The following EYA4 variants were observed in gnomAD, a reference collection of about 807,000 sequenced individuals.
The protein encoded by EYA4 is protein phosphatase EYA4.
EYA4 carries 31 observed loss-of-function variants against 87.9 expected under a neutral mutation model. The ratio of observed to expected loss-of-function variants is 0.35; its 90% CI spans 0.27 to 0.48. The LOEUF (loss-of-function observed/expected upper bound fraction) is 0.48, where lower values mean the gene tolerates loss of function less well. EYA4 is among the 20% of genes least tolerant of loss of function. The probability of loss-of-function intolerance (pLI) is 0.99; values close to 1 mark genes in which losing one functional copy is unlikely to be tolerated. For synonymous variants in EYA4, 263 were observed against 270.6 expected, an observed-to-expected ratio of 0.97 and a Z score of 0.28; for missense variants, 678 against 761.4, an observed-to-expected ratio of 0.89 and a Z score of 1.29.
intron 1 of EYA4, chr6:133,248,304 G>T (rs1449953814): frequency 6.6e-6 from 1 of 152,086 alleles, no homozygotes; most frequent in Non-Finnish European, 1.5e-5. Flanking sequence ...GACATTTCTT[G>T]TGAAAGACTA....
In EYA4 at chr6:133,272,526, G is replaced by A. The variant is rs1443332321; in HGVS notation, c.-65-2190G>A. On this transcript the variant is annotated intron_variant, in intron 1 of 19. Transcript: ENST00000355286. Reference sequence around the variant, plus strand: ...AGGTTGCATAGTGACTTGATGACTCGTAGTCAAACCTTCAGTTTCCACCAA... The same window carrying A: ...AGGTTGCATAGTGACTTGATGACTCATAGTCAAACCTTCAGTTTCCACCAA... 4.6e-5 allele frequency among the ~76,000 whole-genome samples: 7 copies of A among 152,144 alleles called. No individual in the cohort carries two copies. The South Asian group carries it at 6.2e-4, about 14-fold the overall frequency.
chr6:133,281,151 T>C (rs373310901), intron 2 of EYA4, among the ~76,000 whole-genome samples: 12 of 152,294 alleles, frequency 7.9e-5, no homozygotes, highest in African/African-American at 2.4e-4. Context: ...TGTTATAAGG[T>C]TACTTCTTTT....
At chr6:133,372,959 A>G (rs1284044732) in intron 2 of EYA4, among the ~76,000 whole-genome samples, 3 of 151,988 alleles carry the variant, frequency 2.0e-5, no homozygotes, top group Admixed American at 6.6e-5. Context: ...TTAGGCATAT[A>G]TATGTACTTA....
At chr6:133,387,332 A>G (rs918649094) in intron 3 of EYA4, among the ~76,000 whole-genome samples, 2 of 152,184 alleles carry the variant, frequency 1.3e-5, no homozygotes, top group African/African-American at 2.4e-5. Flanking sequence ...AAGCAGGGAA[A>G]GCTGAGGGCT....
At chr6:133,473,658 C>T (rs1795470199) in intron 11 of EYA4, among the ~76,000 whole-genome samples, 1 of 151,828 alleles carries the variant, frequency 6.6e-6, no homozygotes, top group South Asian at 2.1e-4. Context: ...CCTTATCTTC[C>T]TTTTATATCC....
At chr6:133,268,703 A>G (rs752350138) in intron 1 of EYA4, among the ~76,000 whole-genome samples, 1 of 152,152 alleles carries the variant, frequency 6.6e-6, no homozygotes, top group Non-Finnish European at 1.5e-5. Context: ...CCAAGGATCA[A>G]TGGGTCAGCT....
At chr6:133,290,693 G>A (rs1246322751) in intron 2 of EYA4, among the ~76,000 whole-genome samples, 1 of 152,148 alleles carries the variant, frequency 6.6e-6, no homozygotes, top group Admixed American at 6.5e-5. Flanking sequence ...TTACTAGGTG[G>A]TAGGACCTTT....
chr6:133,372,262 G>C (rs1451249092), intron 2 of EYA4, among the ~76,000 whole-genome samples: 1 of 151,934 alleles, frequency 6.6e-6, no homozygotes, highest in Non-Finnish European at 1.5e-5. Flanking sequence ...TCAGCTCTTA[G>C]TTTACAGGTA....
At chr6:133,436,423 A>G (rs931802741) in intron 3 of EYA4, among the ~76,000 whole-genome samples, 2 of 152,126 alleles carry the variant, frequency 1.3e-5, no homozygotes, top group Admixed American at 6.5e-5. Context: ...ATGTAACCAA[A>G]TGACTTTATC....
chr6:133,247,519 T>C (rs1774507079), intron 1 of EYA4: 1 of 152,238 alleles, frequency 6.6e-6, no homozygotes, highest in Admixed American at 6.5e-5. Flanking sequence ...GTTTAAATTA[T>C]AATGGAGCTG....
At chr6:133,490,343 T>C (rs141721316) in intron 13 of EYA4, among the ~76,000 whole-genome samples, 103 of 150,674 alleles carry the variant, frequency 6.8e-4, no homozygotes, top group African/African-American at 2.2e-3. Flanking sequence ...GTAAATGGAC[T>C]AAACTCTCCA....
chr6:133,256,394 T>C (rs1775339670), intron 1 of EYA4, among the ~76,000 whole-genome samples: 1 of 151,980 alleles, frequency 6.6e-6, no homozygotes, highest in Non-Finnish European at 1.5e-5. Context: ...GAGAAATGGT[T>C]CTAACTCTCA....
chr6:133,311,254 C>G lies in EYA4; in HGVS notation c.33+36441C>G, dbSNP rs1459000446. 2.0e-5 allele frequency among the ~76,000 whole-genome samples: 3 copies of G among 152,080 alleles called. 1 individual carries two copies. The highest frequency in any genetic ancestry group is 7.2e-5 in the African/African-American group (3 of 41,428). On this transcript the variant is annotated intron_variant, in intron 2 of 19. Coordinates refer to ENST00000355286, the MANE Select transcript of EYA4 (RefSeq NM_004100.5). ...TGCTTCTGGCAGTGTCCCTTCCTTCCCCTCTTTCCTGTGGCATCTCTTCTT... is the reference window on the plus strand; with the variant it reads ...TGCTTCTGGCAGTGTCCCTTCCTTCGCCTCTTTCCTGTGGCATCTCTTCTT...
intron 3 of EYA4, among the ~76,000 whole-genome samples, chr6:133,408,755 G>A (rs1184952923): frequency 6.6e-6 from 1 of 152,170 alleles, no homozygotes; most frequent in African/African-American, 2.4e-5. Flanking sequence ...AGTACTCAGT[G>A]AGTGTTAGTC....
At chr6:133,311,809 C>T (rs1780244979) in intron 2 of EYA4, among the ~76,000 whole-genome samples, 1 of 152,170 alleles carries the variant, frequency 6.6e-6, no homozygotes. Flanking sequence ...TTGTGTCCAA[C>T]ACCGGCACTG....
intron 2 of EYA4, among the ~76,000 whole-genome samples, chr6:133,315,042 A>T (rs17301942): frequency 0.44 from 66,358 of 151,958 alleles, 15,202 homozygotes; most frequent in Non-Finnish European, 0.52. Flanking sequence ...CTACCCTCAG[A>T]GAAAACCACA....
chr6:133,393,525 G>T (rs1787486882), intron 3 of EYA4, among the ~76,000 whole-genome samples: 4 of 152,112 alleles, frequency 2.6e-5, no homozygotes, highest in Admixed American at 2.6e-4. Flanking sequence ...GCCAAGCAGA[G>T]AGCTGGTGGA....
rs150314220 is a variant in EYA4 at position 133,421,557 on chromosome 6, T to G, written c.84-25073T>G. 1.8e-3 allele frequency among the ~76,000 whole-genome samples: 277 copies of G among 152,292 alleles called. 1 individual carries two copies. Among genetic ancestry groups the G allele is most frequent in the African/African-American group, 6.1e-3 (255 of 41,572 alleles). On this transcript the variant is annotated intron_variant, in intron 3 of 19. Transcript: ENST00000355286. ...ATTTCCGTGTCTTGATATTTGGACA[T>G]TTTCTTGTGGGTGTCCTGAAGCTCT... is the stretch of plus-strand genomic sequence containing the variant.
In EYA4 at chr6:133,499,537, A is replaced by G. The variant is rs573149982; in HGVS notation, c.1192-6569A>G. Reference sequence around the variant, plus strand: ...GGTAAGTTGTGTGATGATCCCCTTCATCATACAATTTAAGCTTGACAACAT... The same window carrying G: ...GGTAAGTTGTGTGATGATCCCCTTCGTCATACAATTTAAGCTTGACAACAT... On this transcript the variant is annotated intron_variant, in intron 13 of 19. Transcript: ENST00000355286. Among the ~76,000 whole-genome samples, 94 of 152,300 alleles carry G rather than the reference A, an allele frequency of 6.2e-4. 1 individual carries two copies. The highest frequency in any genetic ancestry group is 6.8e-3 in the Middle Eastern group (2 of 294).
Sources: gnomAD v4.1 joint callset for allele counts (sites outside exome capture counted in the v4.1 genomes callset) on GRCh38, gnomAD v4.1.1 for gene constraint, MANE v1.5 for transcripts, NCBI Gene and HGNC (gene_info 2026-07-23, HGNC 2026-07-21) for gene names.